Variants in HEATR1 observed in about 807,000 individuals in gnomAD.
HEATR1 encodes HEAT repeat-containing protein 1.
HEATR1 carries 77 observed loss-of-function variants against 248.2 expected under a neutral mutation model. That is an observed-to-expected ratio of 0.31 (90% CI 0.26 to 0.37). The LOEUF is 0.37. Among genes scored for constraint, HEATR1 ranks in the 10% least tolerant of loss-of-function variants. The pLI, the probability that HEATR1 is intolerant of heterozygous loss-of-function variation, is 1.00. For synonymous variants in HEATR1, 897 were observed against 923.1 expected, an observed-to-expected ratio of 0.97 and a Z score of 0.51; for missense variants, 2,420 against 2,504.9, an observed-to-expected ratio of 0.97 and a Z score of 0.72.
chr1:236,574,386 A>G, intron 23 of HEATR1, 53 bp from the exon 24 acceptor site: 4 of 1,549,308 alleles, frequency 2.6e-6, no homozygotes, highest in Non-Finnish European at 3.5e-6. Flanking sequence ...TTTAAATTCC[A>G]GAAATAATTT....
intron 29 of HEATR1, among the ~76,000 whole-genome samples, chr1:236,567,458 C>T (rs1663303707): frequency 6.6e-6 from 1 of 152,224 alleles, no homozygotes; most frequent in South Asian, 2.1e-4. Flanking sequence ...CGCCTGTAAT[C>T]CCAACACTTT....
At chr1:236,565,684 AT>A (rs1319817553) in intron 31 of HEATR1, among the ~76,000 whole-genome samples, 3 of 152,202 alleles carry the variant, frequency 2.0e-5, no homozygotes, top group Non-Finnish European at 4.4e-5. Context: ...TACCAGCAAC[AT>A]TCCACAGCCA....
At chr1:236,588,068 AT>A in intron 12 of HEATR1, 25 bp from the exon 13 acceptor site, 1 of 1,572,362 alleles carries the variant, frequency 6.4e-7, no homozygotes, top group Non-Finnish European at 8.7e-7. Context: ...AAAAACATTA[AT>A]TTAGCTGTTG....
chr1:236,571,714 G>T, intron 26 of HEATR1, 28 bp from the exon 27 acceptor site: 2 of 1,501,790 alleles, frequency 1.3e-6, no homozygotes, highest in South Asian at 1.1e-5. Flanking sequence ...GAGAAATGAT[G>T]GGAAATGTAA....
rs550387574 is a variant in HEATR1 at position 236,576,927 on chromosome 1, G to A, written c.2778C>T (p.Asn926=). The A allele has an allele frequency of 3.1e-6, 5 of 1,605,378 alleles. No homozygotes were observed. The highest frequency in any genetic ancestry group is 4.2e-6 in the Non-Finnish European group (5 of 1,177,418). ...GAACTTCTTTTACGGGGCTTCCCAG[G>A]TTAATGAGTAAAGATGTCACCACTA... ...SSPVVTSLLI[N]LGSPVKEVRR... Residue 926 remains asparagine, a synonymous_variant, in exon 21 of 45, where the codon AAC becomes AAT. Transcript: ENST00000366582.
chr1:236,588,032 A>C lies in HEATR1; in HGVS notation c.1542T>G (p.Asp514Glu). Residue 514 changes from aspartate (D) to glutamate (E), a missense_variant, in exon 13 of 45, where the codon GAT (aspartate) becomes GAG (glutamate). Asp to Glu is a conservative substitution (Grantham distance 45). Transcript: ENST00000366582. ...AAACAGCTTCTTTTATGAAAGATTC[A>C]TCAACACCCTCCTGAGCAATAAAAG... ...KIMKTSKEGV[D>E]ESFIKEAVLA... is the part of the protein sequence containing the mutation. The C allele has an allele frequency of 2.5e-6, 4 of 1,611,492 alleles. No individual in the cohort carries two copies. The South Asian group carries it at 4.4e-5, about 18-fold the overall frequency.
intron 13 of HEATR1, among the ~76,000 whole-genome samples, 190 bp downstream of exon 13, chr1:236,587,758 T>G (rs1034787992): frequency 6.6e-6 from 1 of 152,120 alleles, no homozygotes; most frequent in Non-Finnish European, 1.5e-5. Context: ...CTTCCATATA[T>G]ATTTAATATA....
chr1:236,559,948 G>T, intron 33 of HEATR1, 111 bp from the exon 34 acceptor site: 1 of 1,144,404 alleles, frequency 8.7e-7, no homozygotes, highest in Non-Finnish European at 1.2e-6. Flanking sequence ...AAATAATTCT[G>T]TACTAAATTA....
rs778294435 is a variant in HEATR1 at position 236,553,612 on chromosome 1, A to G, written c.6206T>C (p.Ile2069Thr). The change falls in exon 43 of 45, where the codon ATT (isoleucine) becomes ACT (threonine). Residue 2069 changes from isoleucine to threonine, a missense_variant. By Grantham distance (89) the Ile-to-Thr change is moderately conservative (BLOSUM62 -1). Coordinates refer to ENST00000366582, the MANE Select transcript of HEATR1 (RefSeq NM_018072.6). ...DSLWKPLNYQILLKTRDSSPK... is the reference protein window; with the variant it reads ...DSLWKPLNYQTLLKTRDSSPK... ...CGAGGAGTCTCTCGTCTTTAGCAGA[A>G]TCTGGTAGTTCAGTGGTTTCCAAAG... 6.2e-7 allele frequency: 1 copy of G among 1,614,032 alleles called. No homozygotes were observed.
At position 236,565,700 on chromosome 1, in the gene HEATR1, G is replaced by A. The variant is rs544409640; in HGVS notation, c.4435+219C>T. ...ACCAGCAACATTCCACAGCCAAGAC[G>A]TCAGCGCAGAGCACAGAGGTATAAA... On this transcript the variant is annotated intron_variant, in intron 31 of 44. Coordinates refer to ENST00000366582, the MANE Select transcript of HEATR1 (RefSeq NM_018072.6). 1.6e-4 allele frequency among the ~76,000 whole-genome samples: 24 copies of A among 152,290 alleles called. 1 individual carries two copies. In the South Asian group the frequency reaches 4.8e-3, roughly 30 times the overall value.
chr1:236,570,371 TTA>T lies in HEATR1; in HGVS notation c.3948+978_3948+979del, dbSNP rs1295535382. Among the ~76,000 whole-genome samples, 8 of 152,166 alleles carry T rather than the reference TTA, an allele frequency of 5.3e-5. No homozygotes were observed. In the East Asian group the frequency reaches 1.5e-3, roughly 29 times the overall value. ...AGGGCCACATATTGTATGACTCAAT[TTA>T]TATGACATGTCCAGCATAGGCAGAT... On this transcript the variant is annotated intron_variant, in intron 28 of 44. Coordinates refer to ENST00000366582, the MANE Select transcript of HEATR1 (RefSeq NM_018072.6).
At chr1:236,552,398 A>C in intron 43 of HEATR1, 1 of 195,774 alleles carries the variant, frequency 5.1e-6, no homozygotes, top group Non-Finnish European at 1.0e-5. Context: ...AAAACCAATA[A>C]AATAAAATGC....
intron 2 of HEATR1, 110 bp from the exon 3 acceptor site, chr1:236,603,486 A>T: frequency 2.5e-6 from 2 of 786,638 alleles, no homozygotes; most frequent in Non-Finnish European, 4.1e-6. Flanking sequence ...TTCTTTAAGT[A>T]CATATAATTT....
At chr1:236,596,127 T>C in intron 6 of HEATR1, 83 bp from the exon 7 acceptor site, 1 of 1,033,420 alleles carries the variant, frequency 9.7e-7, no homozygotes, top group Non-Finnish European at 1.4e-6. Context: ...AAATTAGAAA[T>C]GTCATAGAGA....
At chr1:236,563,345 G>T (rs1054432551) in intron 32 of HEATR1, among the ~76,000 whole-genome samples, 1 of 151,722 alleles carries the variant, frequency 6.6e-6, no homozygotes, top group Admixed American at 6.6e-5. Context: ...GCATTGGCTC[G>T]ATCTTGGCTC....
intron 37 of HEATR1, among the ~76,000 whole-genome samples, chr1:236,556,886 A>G (rs1410206524): frequency 1.3e-5 from 2 of 152,184 alleles, no homozygotes; most frequent in Admixed American, 6.5e-5. Flanking sequence ...CAAGTAATAA[A>G]AGGCGGCTCT....
chr1:236,582,566 C>T (rs1017736152), intron 19 of HEATR1, among the ~76,000 whole-genome samples, 170 bp downstream of exon 19: 2 of 151,890 alleles, frequency 1.3e-5, no homozygotes, highest in Non-Finnish European at 2.9e-5. Flanking sequence ...CCATGCCTGG[C>T]TAATTTTTGT....
rs779636816 is a variant in HEATR1, at chr1:236,553,548, T to C, written c.6237+33A>G. On this transcript the variant is annotated intron_variant, in intron 43 of 44. Coordinates refer to ENST00000366582, the MANE Select transcript of HEATR1 (RefSeq NM_018072.6). ...CTGTTTAGGCTATGCAGTGAAAAGA[T>C]GCAGTTTCAGTACTTGTCACGCAGT... 7 of 1,601,728 alleles carry C rather than the reference T, an allele frequency of 4.4e-6. No homozygotes were observed. In the Admixed American group the frequency reaches 8.5e-5, roughly 19 times the overall value.
Position 236,554,602 on chromosome 1 carries a change from T to G in HEATR1, c.6074A>C (p.Asp2025Ala). ...AAGATGATTCTGTTTGGTTACCTGA[T>G]CCACCAGAGGCATCATCAAGGCTTC... ...RAEALMMPLV[D>A]QLENRLGGEE... is the part of the protein sequence containing the mutation. Residue 2025 changes from aspartate to alanine, a missense_variant, in exon 42 of 45, where the codon GAT (aspartate) becomes GCT (alanine). Physicochemically the swap from Asp to Ala is moderately radical, Grantham distance 126. Coordinates refer to ENST00000366582, the MANE Select transcript of HEATR1 (RefSeq NM_018072.6). 1 of 1,609,848 alleles carries G rather than the reference T, an allele frequency of 6.2e-7. No individual in the cohort carries two copies. Among genetic ancestry groups the G allele is most frequent in the South Asian group, 1.1e-5 (1 of 89,524 alleles).
Sources: gnomAD v4.1 joint callset for allele counts (sites outside exome capture counted in the v4.1 genomes callset) on GRCh38, gnomAD v4.1.1 for gene constraint, MANE v1.5 for transcripts, NCBI Gene and HGNC (gene_info 2026-07-23, HGNC 2026-07-21) for gene names.